The following MYO18A variants were observed in gnomAD, a reference collection of about 807,000 sequenced individuals.
The protein encoded by MYO18A is myosin XVIIIA.
MYO18A carries 78 observed loss-of-function variants against 235.8 expected under a neutral mutation model. The observed-to-expected ratio is 0.33, with a 90% CI of 0.28 to 0.40. The LOEUF is 0.40. Among genes scored for constraint, MYO18A ranks in the 10% least tolerant of loss-of-function variants. The probability of loss-of-function intolerance (pLI) is 1.00; values close to 1 mark genes in which losing one functional copy is unlikely to be tolerated. For synonymous variants in MYO18A, 977 were observed against 1,077.8 expected (o/e 0.91, Z 1.83); for missense variants, 2,215 against 2,699.3 (o/e 0.82, Z 3.98).
rs7224620 is a variant in MYO18A, at chr17:29,117,248, C to T, written c.2039-793G>A. Among the ~76,000 whole-genome samples, 321 of 152,336 alleles carry T rather than the reference C, an allele frequency of 2.1e-3. 2 individuals are homozygous for T. The highest frequency in any genetic ancestry group is 7.6e-3 in the African/African-American group (316 of 41,572). ...CTTGAAGGATGGAGCAGAGCTCCTCCAAGCCAGGCCAAGTCCCCGAGCGCA... is the reference window on the plus strand; with the variant it reads ...CTTGAAGGATGGAGCAGAGCTCCTCTAAGCCAGGCCAAGTCCCCGAGCGCA... On this transcript the variant is annotated intron_variant, in intron 10 of 41. Transcript: ENST00000527372. This position sits in a 1 kb window ranked among gnomAD's most constrained non-coding sequence, Gnocchi z 4.6.
chr17:29,173,139 G>A (rs1487611668), intron 1 of MYO18A, among the ~76,000 whole-genome samples: 1 of 150,588 alleles, frequency 6.6e-6, no homozygotes, highest in Non-Finnish European at 1.5e-5. Context: ...TTGTTGCCCA[G>A]GCTGGAGTGC....
chr17:29,075,185 G>A (rs1026338278), intron 41 of MYO18A: 1 of 378,248 alleles, frequency 2.6e-6, no homozygotes, highest in Non-Finnish European at 5.1e-6. Flanking sequence ...CAGGTTCCTG[G>A]GCCCTTCCTC....
intron 2 of MYO18A, chr17:29,155,528 G>A (rs1230305087): frequency 6.6e-6 from 1 of 152,446 alleles, no homozygotes; most frequent in African/African-American, 2.4e-5. Flanking sequence ...TGGGAGGGAG[G>A]AGCCAGCAGA....
chr17:29,172,982 C>T (rs2068438959), intron 1 of MYO18A, among the ~76,000 whole-genome samples: 1 of 152,058 alleles, frequency 6.6e-6, no homozygotes, highest in African/African-American at 2.4e-5. Context: ...TTAGTAAAAA[C>T]TATCAAGGTT....
At chr17:29,145,664 G>A (rs559483561) in intron 2 of MYO18A, among the ~76,000 whole-genome samples, 5 of 152,284 alleles carry the variant, frequency 3.3e-5, no homozygotes, top group Admixed American at 1.3e-4. Flanking sequence ...TATGAGGCAC[G>A]TTTGAGTGAC....
At chr17:29,124,645 C>T in intron 2 of MYO18A, 6 of 1,281,972 alleles carry the variant, frequency 4.7e-6, no homozygotes, top group Non-Finnish European at 6.1e-6. Context: ...GGGGGGAGAG[C>T]ACCCTACCTG....
Position 29,180,091 on chromosome 17 carries a change from C to T in MYO18A, c.-82+222G>A, listed in dbSNP as rs891388763. Among the ~76,000 whole-genome samples the T allele has an allele frequency of 6.6e-6, 1 of 151,890 alleles. No homozygotes were observed. The highest frequency in any genetic ancestry group is 1.5e-5 in the Non-Finnish European group (1 of 67,834). ...GAAGGGCCGGTGGTTCCCCCTTCCC[C>T]GCCGCTCCCGATCGGCCCCCACCCC... On this transcript the variant is annotated intron_variant, in intron 1 of 41. Transcript: ENST00000527372. This position sits in a 1 kb window ranked among gnomAD's most constrained non-coding sequence, Gnocchi z 6.1.
At chr17:29,077,085 C>T (rs900781567) in intron 41 of MYO18A, 6 of 152,438 alleles carry the variant, frequency 3.9e-5, no homozygotes, top group East Asian at 1.9e-4. Flanking sequence ...TTCATCAAGA[C>T]GCTGGGCAGT....
At chr17:29,152,656 C>G (rs72817645) in intron 2 of MYO18A, among the ~76,000 whole-genome samples, 1 of 152,140 alleles carries the variant, frequency 6.6e-6, no homozygotes, top group Non-Finnish European at 1.5e-5. Flanking sequence ...CTGCGGGTAC[C>G]AAGCTACCAG....
chr17:29,138,602 T>C (rs932141531), intron 2 of MYO18A, among the ~76,000 whole-genome samples: 3 of 152,250 alleles, frequency 2.0e-5, no homozygotes, highest in Non-Finnish European at 4.4e-5. Flanking sequence ...TCAGGTGCTG[T>C]GCTGAATCCC....
At chr17:29,089,850 A>T in intron 37 of MYO18A, 111 bp downstream of exon 37, 1 of 1,401,066 alleles carries the variant, frequency 7.1e-7, no homozygotes, top group South Asian at 1.4e-5. Context: ...AGTGAGGCAC[A>T]GGCCTCTGAG....
intron 1 of MYO18A, among the ~76,000 whole-genome samples, chr17:29,176,064 A>C (rs1464616106): frequency 6.6e-6 from 1 of 152,258 alleles, no homozygotes; most frequent in Non-Finnish European, 1.5e-5. Context: ...TCTCAAAAAA[A>C]ACAGCAGTCT....
At chr17:29,080,748 C>T (rs936988051) in intron 41 of MYO18A, 173 of 985,498 alleles carry the variant, frequency 1.8e-4, no homozygotes, top group Non-Finnish European at 2.0e-4. Context: ...GCCCCCCGGT[C>T]CCCGAGCGGA....
intron 41 of MYO18A, 22 bp downstream of exon 41, chr17:29,082,294 C>G (rs1411243092): frequency 6.2e-7 from 1 of 1,613,362 alleles, no homozygotes; most frequent in South Asian, 1.1e-5. Context: ...CTTTTCCTCC[C>G]AGCTCAAGGC....
chr17:29,124,724 G>A (rs913417122), intron 2 of MYO18A: 26 of 1,271,114 alleles, frequency 2.0e-5, no homozygotes, highest in Non-Finnish European at 2.5e-5. Flanking sequence ...GAGAGAAGAA[G>A]GGTGAAGATA....
rs565784475 is a variant in MYO18A, at chr17:29,104,615, G to A, written c.3442-951C>T. On this transcript the variant is annotated intron_variant, in intron 20 of 41. Transcript: ENST00000527372. The stretch of plus-strand genomic sequence containing the variant: ...GCCTGGGCTAGAGGTATTGATTTGG[G>A]AGTCATCAATATATATGTGATAATT... Among the ~76,000 whole-genome samples the A allele has an allele frequency of 3.8e-4, 58 of 152,188 alleles. No individual in the cohort carries two copies. In the South Asian group the frequency reaches 4.6e-3, roughly 12 times the overall value.
intron 33 of MYO18A, 84 bp from the exon 34 acceptor site, chr17:29,092,540 G>A (rs920778590): frequency 2.1e-5 from 24 of 1,138,650 alleles, no homozygotes; most frequent in East Asian, 7.5e-5. Flanking sequence ...GAGGGAGCTC[G>A]GATGCCCTCC....
At chr17:29,113,526 A>T (rs1252561573) in intron 15 of MYO18A, among the ~76,000 whole-genome samples, 1 of 152,136 alleles carries the variant, frequency 6.6e-6, no homozygotes, top group Non-Finnish European at 1.5e-5. Context: ...ACAGCTTAGC[A>T]CTGTTTCCCC....
intron 11 of MYO18A, 68 bp from the exon 12 acceptor site, chr17:29,115,908 C>T (rs749667838): frequency 6.6e-7 from 1 of 1,506,084 alleles, no homozygotes; most frequent in Non-Finnish European, 9.0e-7. Flanking sequence ...GACCTGATGA[C>T]CAGCTGATGA....
Sources: gnomAD v4.1 joint callset for allele counts (sites outside exome capture counted in the v4.1 genomes callset) on GRCh38, gnomAD v4.1.1 for gene constraint, Gnocchi (gnomAD v3.1) non-coding constraint, MANE v1.5 for transcripts, NCBI Gene and HGNC (gene_info 2026-07-23, HGNC 2026-07-21) for gene names.